Variants in TUSC3 observed in about 807,000 individuals in gnomAD.
The protein encoded by TUSC3 is dolichyl-diphosphooligosaccharide--protein glycosyltransferase subunit TUSC3.
In TUSC3, 45 loss-of-function variants were observed where a neutral mutation model predicts 44.8. That is an observed-to-expected ratio of 1.00 (90% CI 0.79 to 1.29). The LOEUF (loss-of-function observed/expected upper bound fraction) is 1.29, where lower values mean the gene tolerates loss of function less well. Among genes scored for constraint, TUSC3 ranks in the 50% most tolerant of loss-of-function variants. The pLI, the probability that TUSC3 is intolerant of heterozygous loss-of-function variation, is 0.00. For missense variants in TUSC3, 519 were observed against 437.9 expected (o/e 1.19, Z -1.65); for synonymous variants, 212 against 152.9 (o/e 1.39, Z -2.85).
intron 1 of TUSC3, among the ~76,000 whole-genome samples, chr8:15,610,100 TAAG>T (rs1804697385): frequency 6.6e-6 from 1 of 152,196 alleles, no homozygotes; most frequent in Non-Finnish European, 1.5e-5. Flanking sequence ...TAAGGTATAT[TAAG>T]AAAGGTATGA....
At chr8:15,517,768 TTACC>T (rs1260581143) in intron 2 of TUSC3, among the ~76,000 whole-genome samples, 2 of 152,072 alleles carry the variant, frequency 1.3e-5, no homozygotes, top group Non-Finnish European at 2.9e-5. Context: ...TTAAATTTCT[TTACC>T]TAAGAAATTT....
At chr8:15,447,243 C>T (rs1306792397) in intron 1 of TUSC3, among the ~76,000 whole-genome samples, 1 of 152,096 alleles carries the variant, frequency 6.6e-6, no homozygotes, top group Admixed American at 6.6e-5. Flanking sequence ...AATAAAGCAA[C>T]CTCAAAATCC....
At chr8:15,445,724 C>T (rs1168439875) in intron 1 of TUSC3, among the ~76,000 whole-genome samples, 1 of 152,250 alleles carries the variant, frequency 6.6e-6, no homozygotes, top group African/African-American at 2.4e-5. Context: ...TCTTTCTACA[C>T]AGACACAGTA....
At chr8:15,417,596 C>T (rs564046454) in intron 1 of TUSC3, among the ~76,000 whole-genome samples, 6 of 152,312 alleles carry the variant, frequency 3.9e-5, no homozygotes, top group Admixed American at 3.9e-4. Flanking sequence ...TAAACGCTTA[C>T]TCTAGGGAAC....
chr8:15,815,074 T>C, the TUSC3 span, among the ~76,000 whole-genome samples: 1 of 152,146 alleles, frequency 6.6e-6, no homozygotes, highest in South Asian at 2.1e-4. Context: ...CAATGTAGTA[T>C]ATAAGTAATG....
intron 1 of TUSC3, among the ~76,000 whole-genome samples, chr8:15,465,210 A>G (rs1388607494): frequency 6.6e-6 from 1 of 152,214 alleles, no homozygotes; most frequent in African/African-American, 2.4e-5. Flanking sequence ...TGCCAAATGT[A>G]TCATTATTTT....
rs919243118 is a variant in TUSC3, at chr8:15,732,872, C to T, written c.862+2143C>T. Among the ~76,000 whole-genome samples, 4 of 152,272 alleles carry T rather than the reference C, an allele frequency of 2.6e-5. No homozygotes were observed. The East Asian group carries it at 7.7e-4, about 29-fold the overall frequency. ...ATTCTCAACATTTTTATTTCTCCCA[C>T]CCTTGATGATGCATGCTTGGATACA... is the stretch of plus-strand genomic sequence containing the variant. On this transcript the variant is annotated intron_variant, in intron 7 of 10. Coordinates refer to ENST00000503731, the MANE Select transcript of TUSC3 (RefSeq NM_006765.4).
At chr8:15,804,980 T>G in the TUSC3 span, among the ~76,000 whole-genome samples, 2 of 152,174 alleles carry the variant, frequency 1.3e-5, no homozygotes, top group Non-Finnish European at 2.9e-5. Flanking sequence ...TTTTTTTATT[T>G]GTTTGTGTCA....
intron 1 of TUSC3, among the ~76,000 whole-genome samples, chr8:15,612,505 A>AC (rs1804807047): frequency 1.3e-5 from 2 of 152,214 alleles, no homozygotes; most frequent in Non-Finnish European, 2.9e-5. Flanking sequence ...ATGTGAATTG[A>AC]GAAAAAATGG....
chr8:15,719,505 A>G (rs1376570270), intron 6 of TUSC3, among the ~76,000 whole-genome samples: 1 of 48,550 alleles, frequency 2.1e-5, no homozygotes, highest in Non-Finnish European at 3.7e-5. Flanking sequence ...TCACACACAC[A>G]CACACACACA....
chr8:15,661,332 G>C (rs1807415354), intron 4 of TUSC3, among the ~76,000 whole-genome samples: 1 of 152,040 alleles, frequency 6.6e-6, no homozygotes, highest in Admixed American at 6.6e-5. Context: ...GTCATGTCTT[G>C]TAAGCTTCTT....
chr8:15,573,526 C>T (rs1802972250), intron 1 of TUSC3, among the ~76,000 whole-genome samples: 1 of 151,880 alleles, frequency 6.6e-6, no homozygotes, highest in Non-Finnish European at 1.5e-5. Context: ...ACCTAGCTGG[C>T]TTGGGTTCAG....
intron 1 of TUSC3, among the ~76,000 whole-genome samples, chr8:15,566,055 T>C (rs1036457226): frequency 6.6e-6 from 1 of 152,206 alleles, no homozygotes; most frequent in African/African-American, 2.4e-5. Flanking sequence ...TACATTTTCC[T>C]TGTTTTTTCT....
intron 5 of TUSC3, among the ~76,000 whole-genome samples, chr8:15,673,286 A>G (rs1808032335): frequency 6.6e-6 from 1 of 152,122 alleles, no homozygotes; most frequent in Non-Finnish European, 1.5e-5. Context: ...GTATTTAGGT[A>G]CTTACGGAGA....
the TUSC3 span, among the ~76,000 whole-genome samples, chr8:15,843,679 C>G: frequency 6.6e-6 from 1 of 150,476 alleles, no homozygotes; most frequent in African/African-American, 2.5e-5. Context: ...TTATCTATAT[C>G]TATATGGTGT....
intron 1 of TUSC3, among the ~76,000 whole-genome samples, chr8:15,572,347 C>G (rs1399212597): frequency 3.3e-5 from 5 of 152,148 alleles, no homozygotes; most frequent in Admixed American, 3.3e-4. Context: ...AATTTTTCTT[C>G]TGTAGCTTCC....
chr8:15,523,696 G>T (rs547267551), intron 2 of TUSC3, among the ~76,000 whole-genome samples: 1 of 48,558 alleles, frequency 2.1e-5, no homozygotes, highest in African/African-American at 7.7e-5. Context: ...GTGTGTGTGT[G>T]TGTGTGTGTG....
At chr8:15,811,143 T>C in the TUSC3 span, among the ~76,000 whole-genome samples, 42 of 152,278 alleles carry the variant, frequency 2.8e-4, no homozygotes, top group African/African-American at 9.1e-4. Context: ...TCTTGTAGCA[T>C]TGAAGGACCC....
intron 1 of TUSC3, among the ~76,000 whole-genome samples, chr8:15,604,096 A>G (rs1804418841): frequency 6.6e-6 from 1 of 151,876 alleles, no homozygotes; most frequent in East Asian, 1.9e-4. Flanking sequence ...AAGCGTCAAT[A>G]TGCAGAGGTT....
Sources: gnomAD v4.1 joint callset for allele counts (sites outside exome capture counted in the v4.1 genomes callset) on GRCh38, gnomAD v4.1.1 for gene constraint, MANE v1.5 for transcripts, NCBI Gene and HGNC (gene_info 2026-07-23, HGNC 2026-07-21) for gene names.